TG: variants seen among roughly 807,000 people sequenced by gnomAD.
TG encodes the protein thyroglobulin, also known as thyroid hormones.
A neutral mutation model predicts 324.7 loss-of-function variants in TG; 270 were observed. The observed-to-expected ratio is 0.83, with a 90% CI of 0.75 to 0.92. The LOEUF is 0.92. TG is among the 40% of genes least tolerant of loss of function. The pLI is 0.00. For missense variants in TG, 3,591 were observed against 3,456.4 expected (o/e 1.04, Z -0.98); for synonymous variants, 1,401 against 1,327.0 (o/e 1.06, Z -1.21).
At chr8:132,958,949 T>G (rs146739699) in intron 27 of TG, among the ~76,000 whole-genome samples, 4 of 152,266 alleles carry the variant, frequency 2.6e-5, no homozygotes, top group Non-Finnish European at 5.9e-5. Context: ...GAGATCCAAG[T>G]CTACATCTCT....
At chr8:132,888,780 T>C (rs186116137) in intron 10 of TG, among the ~76,000 whole-genome samples, 2 of 152,278 alleles carry the variant, frequency 1.3e-5, no homozygotes, top group East Asian at 1.9e-4. Flanking sequence ...TGATAGAGTA[T>C]ATTTTAAAAC....
chr8:132,907,139 C>T (rs939162710), intron 17 of TG, among the ~76,000 whole-genome samples: 2 of 152,184 alleles, frequency 1.3e-5, no homozygotes, highest in African/African-American at 4.8e-5. Flanking sequence ...CCATCTGCTC[C>T]TTGAGAGAAT....
In TG at chr8:133,075,609, G is replaced by A. The variant is rs1588006313; in HGVS notation, c.7240-19435G>A. On this transcript the variant is annotated intron_variant, in intron 41 of 47. Transcript: ENST00000220616. ...TTCTTAGGGGACATGCGGTGACCAA[G>A]AGGATGTCTCGTATCATGACGGCTA... 2.0e-5 allele frequency among the ~76,000 whole-genome samples: 3 copies of A among 152,332 alleles called. No homozygotes were observed. The South Asian group carries it at 6.2e-4, about 32-fold the overall frequency.
Position 133,029,094 on chromosome 8 carries a change from A to G in TG, c.7037-727A>G, listed in dbSNP as rs77979582. The stretch of plus-strand genomic sequence containing the variant: ...AGATCTGGTGTTTCAAGGTCTGATA[A>G]AGAGGACAAGTTAGTGGAGTAGTTT... On this transcript the variant is annotated intron_variant, in intron 40 of 47. Transcript: ENST00000220616. 3.9e-3 allele frequency among the ~76,000 whole-genome samples: 588 copies of G among 152,290 alleles called. 7 individuals are homozygous for G. Among genetic ancestry groups the G allele is most frequent in the African/African-American group, 0.014 (562 of 41,552 alleles).
At chr8:132,963,670 A>AGT (rs57531255) in intron 29 of TG, among the ~76,000 whole-genome samples, 55,697 of 144,918 alleles carry the variant, frequency 0.38, 12,270 homozygotes, top group Non-Finnish European at 0.5. Flanking sequence ...TGTGGTCTGC[A>AGT]GTGTGTGTGT....
chr8:133,065,951 G>A (rs920713356), intron 41 of TG, among the ~76,000 whole-genome samples: 6 of 152,274 alleles, frequency 3.9e-5, no homozygotes, highest in South Asian at 2.1e-4. Context: ...GAGGGGTGCA[G>A]AAGTGCTGCT....
chr8:132,909,531 G>A (rs1263892997), intron 18 of TG, among the ~76,000 whole-genome samples: 1 of 152,202 alleles, frequency 6.6e-6, no homozygotes, highest in African/African-American at 2.4e-5. Context: ...CCTAAACAAG[G>A]TGTCAGGGTA....
chr8:132,944,188 C>A (rs1824881455), intron 26 of TG, among the ~76,000 whole-genome samples: 1 of 152,202 alleles, frequency 6.6e-6, no homozygotes, highest in South Asian at 2.1e-4. Flanking sequence ...AGCTGTCACT[C>A]CAATTTCCTG....
At chr8:133,005,005 T>G (rs1833898304) in intron 35 of TG, among the ~76,000 whole-genome samples, 1 of 152,090 alleles carries the variant, frequency 6.6e-6, no homozygotes, top group East Asian at 1.9e-4. Flanking sequence ...GATTTCTGGT[T>G]TGGACAATGG....
chr8:133,092,124 A>G (rs1382685511), intron 41 of TG, among the ~76,000 whole-genome samples: 4 of 152,110 alleles, frequency 2.6e-5, no homozygotes, highest in Non-Finnish European at 2.9e-5. Flanking sequence ...TAAAAGAGAA[A>G]GAGAATCCTA....
intron 35 of TG, among the ~76,000 whole-genome samples, chr8:133,000,118 G>A (rs983692649): frequency 6.6e-6 from 1 of 152,212 alleles, no homozygotes; most frequent in Non-Finnish European, 1.5e-5. Flanking sequence ...TCAGGCTCTG[G>A]AGGTTGATGT....
At chr8:133,112,899 A>G (rs1850378812) in intron 43 of TG, among the ~76,000 whole-genome samples, 2 of 152,160 alleles carry the variant, frequency 1.3e-5, no homozygotes, top group South Asian at 4.2e-4. Context: ...TGTTTCTCCA[A>G]GCCTGGGGCA....
intron 43 of TG, among the ~76,000 whole-genome samples, chr8:133,105,589 C>T (rs1320568660): frequency 6.6e-6 from 1 of 152,072 alleles, no homozygotes; most frequent in Non-Finnish European, 1.5e-5. Context: ...TTTGAGGGGC[C>T]TGAGAGATTT....
At chr8:132,894,694 C>A (rs1305460014) in intron 11 of TG, among the ~76,000 whole-genome samples, 8 of 152,194 alleles carry the variant, frequency 5.3e-5, no homozygotes, top group Non-Finnish European at 1.2e-4. Context: ...CCCGTGACTT[C>A]AAGTGATCTG....
At chr8:132,876,163 C>T (rs1345680331) in intron 5 of TG, among the ~76,000 whole-genome samples, 2 of 152,074 alleles carry the variant, frequency 1.3e-5, no homozygotes, top group Non-Finnish European at 2.9e-5. Context: ...GGAGGCAGCC[C>T]TCCGAGTTTG....
chr8:133,125,212 G>C (rs1851425998), intron 45 of TG, among the ~76,000 whole-genome samples: 1 of 152,354 alleles, frequency 6.6e-6, no homozygotes, highest in East Asian at 1.9e-4. Context: ...ATAGTTGCAG[G>C]TGGGGCTGAT....
At chr8:132,898,467 A>T (rs143859415) in intron 13 of TG, among the ~76,000 whole-genome samples, 12 of 152,348 alleles carry the variant, frequency 7.9e-5, no homozygotes, top group Admixed American at 7.2e-4. Context: ...GGAAGGAAAC[A>T]GCTGAGACTG....
intron 18 of TG, among the ~76,000 whole-genome samples, chr8:132,909,146 C>T (rs995776769): frequency 6.6e-6 from 1 of 152,160 alleles, no homozygotes; most frequent in African/African-American, 2.4e-5. Context: ...GGGAGTTTTA[C>T]AGTCTTCTCC....
chr8:132,911,996 A>G (rs555450757), intron 19 of TG, among the ~76,000 whole-genome samples: 5 of 152,336 alleles, frequency 3.3e-5, no homozygotes, highest in Non-Finnish European at 7.3e-5. Context: ...GGCATGTGCC[A>G]TGTTCAGCTC....
Sources: allele counts gnomAD v4.1 joint callset (sites outside exome capture counted in the v4.1 genomes callset), GRCh38; gene constraint gnomAD v4.1.1; transcripts MANE v1.5; gene names NCBI Gene and HGNC (gene_info 2026-07-23, HGNC 2026-07-21).